Variants in MEIS1 observed in about 807,000 individuals in gnomAD.
The protein encoded by MEIS1 is Meis homeobox 1.
In MEIS1, 5 loss-of-function variants were observed where a neutral mutation model predicts 50.8. The ratio of observed to expected loss-of-function variants is 0.10; its 90% CI spans 0.05 to 0.21. The LOEUF (loss-of-function observed/expected upper bound fraction) is 0.21, where lower values mean the gene tolerates loss of function less well. Among genes scored for constraint, MEIS1 ranks in the 10% least tolerant of loss-of-function variants. The pLI is 1.00. For missense variants in MEIS1, 318 were observed against 517.3 expected (o/e 0.61, Z 3.74); for synonymous variants, 176 against 179.3 (o/e 0.98, Z 0.15).
At chr2:66,528,633 A>T (rs1674314849) in intron 8 of MEIS1, among the ~76,000 whole-genome samples, 1 of 151,978 alleles carries the variant, frequency 6.6e-6, no homozygotes. Flanking sequence ...CTTCCCACCT[A>T]GCTCCATTGC....
chr2:66,444,092 A>G (rs1238234346), intron 6 of MEIS1, among the ~76,000 whole-genome samples: 1 of 152,168 alleles, frequency 6.6e-6, no homozygotes, highest in Admixed American at 6.5e-5. Context: ...GAGTGAGATG[A>G]AACAGGGCTC....
intron 8 of MEIS1, among the ~76,000 whole-genome samples, chr2:66,541,062 C>G (rs1385947561): frequency 6.7e-6 from 1 of 149,768 alleles, no homozygotes; most frequent in Non-Finnish European, 1.5e-5. Context: ...TTTTTTGAGA[C>G]AGTCTCACTC....
intron 5 of MEIS1, 76 bp from the exon 6 acceptor site, chr2:66,442,826 G>C: frequency 7.3e-7 from 1 of 1,366,576 alleles, no homozygotes; most frequent in Non-Finnish European, 9.8e-7. Context: ...CTCACAAGGG[G>C]GGTGGATTGC....
In MEIS1 at chr2:66,443,054, C is replaced by T. The variant is rs200317215; in HGVS notation, c.630+6C>T. On this transcript the variant is annotated splice_donor_region_variant and intron_variant, in intron 6 of 12. Coordinates refer to ENST00000272369, the MANE Select transcript of MEIS1 (RefSeq NM_002398.3). ...CAGCAAATCTAACTGACCAGGTATG[C>T]GCTTTTCAATTTCAACATCCCTGGG... 26 of 1,569,044 alleles carry T rather than the reference C, an allele frequency of 1.7e-5. 1 individual carries two copies. The African/African-American group carries it at 1.8e-4, about 11-fold the overall frequency.
At chr2:66,542,429 C>T (rs1441404793) in intron 8 of MEIS1, among the ~76,000 whole-genome samples, 2 of 152,060 alleles carry the variant, frequency 1.3e-5, no homozygotes, top group African/African-American at 4.8e-5. Flanking sequence ...AATTGTTCTT[C>T]CAACATATTC....
chr2:66,553,367 C>G (rs575591053), intron 9 of MEIS1, among the ~76,000 whole-genome samples: 2 of 152,174 alleles, frequency 1.3e-5, no homozygotes, highest in Admixed American at 1.3e-4. Flanking sequence ...CTTCAAGCCT[C>G]GGTTAATTGC....
chr2:66,435,894 A>G, intron 1 of MEIS1, 26 bp downstream of exon 1: 1 of 1,547,648 alleles, frequency 6.5e-7, no homozygotes, highest in East Asian at 2.4e-5. Flanking sequence ...CAATTGTGGA[A>G]CTCAAATGTG....
At chr2:66,532,916 T>A (rs1674429065) in intron 8 of MEIS1, among the ~76,000 whole-genome samples, 1 of 152,184 alleles carries the variant, frequency 6.6e-6, no homozygotes, top group African/African-American at 2.4e-5. Flanking sequence ...GAATTCTGTT[T>A]AAGAGAACTA....
chr2:66,534,533 T>TAAAA (rs766470535), intron 8 of MEIS1, among the ~76,000 whole-genome samples: 3 of 129,080 alleles, frequency 2.3e-5, no homozygotes, highest in Non-Finnish European at 1.6e-5. Context: ...GACTCTGTCT[T>TAAAA]AAAAAAAAAA....
chr2:66,479,888 G>C (rs1316681655), intron 7 of MEIS1, among the ~76,000 whole-genome samples: 1 of 152,180 alleles, frequency 6.6e-6, no homozygotes, highest in Non-Finnish European at 1.5e-5. Context: ...AAATCTCACT[G>C]CATTTTCCTT....
chr2:66,551,929 C>T (rs571715014), intron 9 of MEIS1, among the ~76,000 whole-genome samples: 1 of 151,718 alleles, frequency 6.6e-6, no homozygotes, highest in East Asian at 1.9e-4. Context: ...CAAACATTAC[C>T]AATATGCAAA....
At chr2:66,566,810 CAA>C (rs5831821) in intron 9 of MEIS1, among the ~76,000 whole-genome samples, 3 of 138,664 alleles carry the variant, frequency 2.2e-5, no homozygotes, top group African/African-American at 2.7e-5. Flanking sequence ...ACATAAAGAG[CAA>C]AAAAAAAAAA....
At chr2:66,457,023 T>C (rs1672407066) in intron 6 of MEIS1, among the ~76,000 whole-genome samples, 1 of 152,168 alleles carries the variant, frequency 6.6e-6, no homozygotes, top group Admixed American at 6.5e-5. Flanking sequence ...CATTTGTGAA[T>C]GTTTATGGCA....
chr2:66,476,724 C>T (rs1282222493), intron 7 of MEIS1, among the ~76,000 whole-genome samples: 2 of 152,126 alleles, frequency 1.3e-5, no homozygotes, highest in African/African-American at 4.8e-5. Context: ...GTCACGGGGC[C>T]TGAAAGGAGT....
intron 8 of MEIS1, among the ~76,000 whole-genome samples, chr2:66,522,318 G>A (rs911937170): frequency 6.6e-6 from 1 of 152,132 alleles, no homozygotes; most frequent in African/African-American, 2.4e-5. Context: ...CTGTTACTAC[G>A]TGCCCATGTT....
At chr2:66,498,140 G>A (rs1481607759) in intron 7 of MEIS1, among the ~76,000 whole-genome samples, 1 of 152,124 alleles carries the variant, frequency 6.6e-6, no homozygotes, top group African/African-American at 2.4e-5. Context: ...AGCTTTGAGT[G>A]GGGGATTCAG....
intron 6 of MEIS1, among the ~76,000 whole-genome samples, chr2:66,457,491 A>G (rs906660518): frequency 2.4e-4 from 37 of 152,188 alleles, no homozygotes; most frequent in Admixed American, 7.9e-4. Context: ...TGTTTCTCAC[A>G]GCAGCTCCTG....
Position 66,544,629 on chromosome 2 carries a change from G to T in MEIS1, c.889-3314G>T, listed in dbSNP as rs564680205. On this transcript the variant is annotated intron_variant, in intron 8 of 12. Coordinates refer to ENST00000272369, the MANE Select transcript of MEIS1 (RefSeq NM_002398.3). ...TTAATTTGTCCAGGCTCATTCATTT[G>T]TATTAAAAAAATATATATATATCCC... 9.9e-4 allele frequency among the ~76,000 whole-genome samples: 150 copies of T among 152,098 alleles called. 1 individual carries two copies. The highest frequency in any genetic ancestry group is 3.1e-3 in the African/African-American group (127 of 41,492).
chr2:66,538,933 G>A (rs1286935199), intron 8 of MEIS1, among the ~76,000 whole-genome samples: 1 of 152,104 alleles, frequency 6.6e-6, no homozygotes, highest in South Asian at 2.1e-4. Context: ...TGTCAACCAG[G>A]CTGGAGTGCA....
Sources: allele counts gnomAD v4.1 joint callset (sites outside exome capture counted in the v4.1 genomes callset), GRCh38; gene constraint gnomAD v4.1.1; transcripts MANE v1.5; gene names NCBI Gene and HGNC (gene_info 2026-07-23, HGNC 2026-07-21).